Variants in RGPD2 observed in about 807,000 individuals in gnomAD.
RGPD2 encodes RANBP2-like and GRIP domain-containing protein 2.
A neutral mutation model predicts 36.0 loss-of-function variants in RGPD2; 2 were observed. The observed-to-expected ratio is 0.06, with a 90% CI of 0.02 to 0.17. The LOEUF is 0.17. RGPD2 is among the 10% of genes least tolerant of loss of function. The pLI is 1.00. For missense variants in RGPD2, 40 were observed against 464.3 expected (o/e 0.09, Z 8.40); for synonymous variants, 19 against 163.8 (o/e 0.12, Z 6.75).
At chr2:87,966,250 T>G in the RGPD2 span, among the ~76,000 whole-genome samples, 3 of 152,110 alleles carry the variant, frequency 2.0e-5, no homozygotes, top group African/African-American at 4.8e-5. Flanking sequence ...GTTATTTCAC[T>G]GATGGCACAA....
the RGPD2 span, among the ~76,000 whole-genome samples, chr2:87,918,666 G>T: frequency 1.3e-5 from 2 of 152,094 alleles, no homozygotes; most frequent in African/African-American, 2.4e-5. Context: ...AATAGAGTAA[G>T]TGTGTTCAAA....
chr2:87,930,483 G>A, the RGPD2 span, among the ~76,000 whole-genome samples: 1,747 of 152,164 alleles, frequency 0.011, 13 homozygotes, highest in African/African-American at 0.039. Context: ...GTATTTTGCT[G>A]AGGATTTTGC....
At chr2:87,857,173 A>G in the RGPD2 span, among the ~76,000 whole-genome samples, 1 of 152,278 alleles carries the variant, frequency 6.6e-6, no homozygotes, top group Non-Finnish European at 1.5e-5. Context: ...GTGAATTCTT[A>G]TGAAAGACAA....
the RGPD2 span, among the ~76,000 whole-genome samples, chr2:87,861,211 G>A: frequency 8.6e-4 from 129 of 149,846 alleles, 1 homozygote; most frequent in African/African-American, 3.1e-3. Flanking sequence ...TAGAAATAAG[G>A]TTTCTCTTTA....
the RGPD2 span, among the ~76,000 whole-genome samples, chr2:87,883,358 G>A: frequency 1.3e-5 from 2 of 151,622 alleles, no homozygotes; most frequent in Admixed American, 1.3e-4. Context: ...CAGTACAGAA[G>A]GCCATCAAAC....
chr2:87,867,784 AT>A, the RGPD2 span, among the ~76,000 whole-genome samples: 19 of 146,020 alleles, frequency 1.3e-4, no homozygotes, highest in African/African-American at 4.2e-4. Context: ...AATATATATA[AT>A]TATAATATTA....
chr2:87,837,026 G>A, the RGPD2 span, among the ~76,000 whole-genome samples: 1 of 151,992 alleles, frequency 6.6e-6, no homozygotes, highest in Non-Finnish European at 1.5e-5. Context: ...TCAAAAATAT[G>A]TGACTATTCT....
At chr2:87,958,428 T>C in the RGPD2 span, among the ~76,000 whole-genome samples, 9 of 152,150 alleles carry the variant, frequency 5.9e-5, no homozygotes, top group Non-Finnish European at 1.2e-4. Context: ...TTAAATGGAT[T>C]AAAGCCTGCA....
chr2:87,870,170 G>C, the RGPD2 span, among the ~76,000 whole-genome samples: 1 of 152,254 alleles, frequency 6.6e-6, no homozygotes, highest in Non-Finnish European at 1.5e-5. Context: ...TGTATTTTAT[G>C]ATGTGTTGAC....
the RGPD2 span, among the ~76,000 whole-genome samples, chr2:87,907,466 A>AAATTAATCGGCT: frequency 2.3e-4 from 1 of 4,370 alleles, no homozygotes; most frequent in Non-Finnish European, 3.9e-4. Flanking sequence ...AAAAAAAAGA[A>AAATTAATCGGCT]TTGTGGGTAT....
chr2:87,940,277 C>T, the RGPD2 span, among the ~76,000 whole-genome samples: 14 of 151,960 alleles, frequency 9.2e-5, no homozygotes, highest in African/African-American at 3.4e-4. Flanking sequence ...GGAACAAGGA[C>T]TTGTGCTCCT....
the RGPD2 span, among the ~76,000 whole-genome samples, chr2:87,868,686 TATCTC>T: frequency 6.6e-6 from 1 of 152,116 alleles, no homozygotes; most frequent in Non-Finnish European, 1.5e-5. Context: ...AACATACTTC[TATCTC>T]AAGTCCTTTG....
chr2:87,825,131 T>C (rs911288703), intron 1 of RGPD2: 1 of 390,660 alleles, frequency 2.6e-6, no homozygotes, highest in Non-Finnish European at 4.5e-6. Context: ...GCTTCATTCA[T>C]TGCCCCCACA....
the RGPD2 span, among the ~76,000 whole-genome samples, chr2:87,878,628 C>T: frequency 2.6e-5 from 4 of 152,192 alleles, no homozygotes; most frequent in Admixed American, 2.0e-4. Context: ...ATATACAATA[C>T]ATTATTATTA....
the RGPD2 span, among the ~76,000 whole-genome samples, chr2:87,879,055 AC>A: frequency 6.6e-6 from 1 of 152,218 alleles, no homozygotes; most frequent in Non-Finnish European, 1.5e-5. Context: ...GTGCAGAAAT[AC>A]CTTTGCCATA....
At chr2:87,845,860 T>C in the RGPD2 span, among the ~76,000 whole-genome samples, 1 of 152,078 alleles carries the variant, frequency 6.6e-6, no homozygotes, top group African/African-American at 2.4e-5. Flanking sequence ...GCATAGAAAC[T>C]TATACTTTAA....
chr2:87,772,803 A>G (rs2104256635), intron 21 of RGPD2, among the ~76,000 whole-genome samples: 1 of 150,520 alleles, frequency 6.6e-6, no homozygotes, highest in Non-Finnish European at 1.5e-5. Flanking sequence ...GGTGGAAATG[A>G]GTCAGTCCAG....
chr2:87,843,273 C>A, the RGPD2 span, among the ~76,000 whole-genome samples: 1 of 107,998 alleles, frequency 9.3e-6, no homozygotes, highest in Non-Finnish European at 1.8e-5. Context: ...AGTGAACAGG[C>A]AACCTACAGA....
chr2:87,962,711 C>T, the RGPD2 span, among the ~76,000 whole-genome samples: 1 of 151,916 alleles, frequency 6.6e-6, no homozygotes, highest in Admixed American at 6.5e-5. Flanking sequence ...CCCAGCTACT[C>T]CAAAGGCAGA....
Sources: gnomAD v4.1 joint callset for allele counts (sites outside exome capture counted in the v4.1 genomes callset) on GRCh38, gnomAD v4.1.1 for gene constraint, MANE v1.5 for transcripts, NCBI Gene and HGNC (gene_info 2026-07-23, HGNC 2026-07-21) for gene names.